The following EPHB1 variants were observed in gnomAD, a reference collection of about 807,000 sequenced individuals.
The protein encoded by EPHB1 is ephrin type-B receptor 1.
Under a neutral mutation model 94.4 loss-of-function variants are expected in EPHB1, and 30 were observed. The observed-to-expected ratio is 0.32, with a 90% CI of 0.24 to 0.43. The LOEUF (loss-of-function observed/expected upper bound fraction) is 0.43, where lower values mean the gene tolerates loss of function less well. Ranked by LOEUF, EPHB1 falls within the 20% of genes least tolerant of loss-of-function variation. The pLI, the probability that EPHB1 is intolerant of heterozygous loss-of-function variation, is 1.00. For missense variants in EPHB1, 1,055 were observed against 1,308.3 expected, an observed-to-expected ratio of 0.81 and a Z score of 2.99; for synonymous variants, 522 against 489.1, an observed-to-expected ratio of 1.07 and a Z score of -0.89.
intron 3 of EPHB1, among the ~76,000 whole-genome samples, chr3:134,998,973 G>A (rs1279517483): frequency 6.6e-6 from 1 of 152,176 alleles, no homozygotes; most frequent in African/African-American, 2.4e-5. Context: ...AGTCAGAGAG[G>A]CAGGAAGAGA....
chr3:135,076,707 G>A (rs930702494), intron 3 of EPHB1, among the ~76,000 whole-genome samples: 1 of 152,122 alleles, frequency 6.6e-6, no homozygotes, highest in African/African-American at 2.4e-5. Context: ...TTTATCAACT[G>A]GTGAATGGAT....
Position 134,951,363 on chromosome 3 carries a change from A to C in EPHB1, c.124-8A>C. On this transcript the variant is annotated splice_polypyrimidine_tract_variant and splice_region_variant and intron_variant, in intron 2 of 15. Coordinates refer to ENST00000398015, the MANE Select transcript of EPHB1 (RefSeq NM_004441.5). The surrounding 1 kb of genome is among the most constrained non-coding windows in gnomAD (Gnocchi z 4.5). ...TGCATGTGTGTGCCTGTGGCCTGCT[A>C]TGTACAGTGGGAAGAAGTCAGTGGC... 2.6e-6 allele frequency: 4 copies of C among 1,550,676 alleles called. No homozygotes were observed. Among genetic ancestry groups the C allele is most frequent in the Non-Finnish European group, 3.5e-6 (4 of 1,147,452 alleles).
chr3:135,058,028 G>T (rs1274030622), intron 3 of EPHB1, among the ~76,000 whole-genome samples: 1 of 152,208 alleles, frequency 6.6e-6, no homozygotes, highest in Non-Finnish European at 1.5e-5. Context: ...AAGCTGGCGT[G>T]GGTTCTCTGA....
chr3:135,186,732 C>T (rs570992608), intron 10 of EPHB1, among the ~76,000 whole-genome samples: 3 of 152,292 alleles, frequency 2.0e-5, no homozygotes, highest in South Asian at 2.1e-4. Context: ...ATAGTTGAGG[C>T]ATTTAATGCT....
At chr3:135,030,049 T>TC (rs1244810886) in intron 3 of EPHB1, among the ~76,000 whole-genome samples, 3 of 151,298 alleles carry the variant, frequency 2.0e-5, no homozygotes, top group Non-Finnish European at 2.9e-5. Context: ...TTCACGTAGT[T>TC]CTCGAGCCTT....
At chr3:135,144,077 G>T (rs1284034120) in intron 5 of EPHB1, among the ~76,000 whole-genome samples, 1 of 152,156 alleles carries the variant, frequency 6.6e-6, no homozygotes, top group Non-Finnish European at 1.5e-5. Flanking sequence ...GTAACTCAAT[G>T]TCCCCACCCC....
chr3:135,154,729 T>C (rs1004424416), intron 6 of EPHB1, among the ~76,000 whole-genome samples: 135 of 152,110 alleles, frequency 8.9e-4, no homozygotes, highest in African/African-American at 3.1e-3. Flanking sequence ...TTGTGGAGGA[T>C]AAAAAAACAT....
intron 3 of EPHB1, among the ~76,000 whole-genome samples, chr3:134,992,598 T>C (rs1315494523): frequency 6.6e-6 from 1 of 152,242 alleles, no homozygotes; most frequent in Non-Finnish European, 1.5e-5. Context: ...GGGTCTTTCC[T>C]AGTGCTTTGG....
chr3:134,813,201 G>T (rs1291390854), intron 1 of EPHB1, among the ~76,000 whole-genome samples: 1 of 152,184 alleles, frequency 6.6e-6, no homozygotes, highest in Non-Finnish European at 1.5e-5. Context: ...TTAGGGGAGT[G>T]TGTGCGCCTC....
chr3:135,053,395 A>G (rs926113162), intron 3 of EPHB1, among the ~76,000 whole-genome samples: 1 of 152,130 alleles, frequency 6.6e-6, no homozygotes, highest in Non-Finnish European at 1.5e-5. Context: ...ATATATAGTC[A>G]CCATAAGAAA....
intron 3 of EPHB1, among the ~76,000 whole-genome samples, chr3:135,105,627 A>G (rs1371605420): frequency 6.6e-6 from 1 of 152,164 alleles, no homozygotes; most frequent in African/African-American, 2.4e-5. Flanking sequence ...TTATAGGCTG[A>G]TCCCACAGGA....
intron 1 of EPHB1, among the ~76,000 whole-genome samples, chr3:134,875,409 T>C (rs557167788): frequency 6.6e-6 from 1 of 152,108 alleles, no homozygotes; most frequent in South Asian, 2.1e-4. Flanking sequence ...GTGGGCAGTA[T>C]GAGAGGTCTC....
intron 4 of EPHB1, 129 bp from the exon 5 acceptor site, chr3:135,132,585 T>C (rs367871440): frequency 1.6e-4 from 114 of 722,234 alleles, no homozygotes; most frequent in Middle Eastern, 1.5e-3. Context: ...GCATAGCCAT[T>C]TGGGGTTGAG....
chr3:135,188,736 C>A (rs1449494811), intron 10 of EPHB1, among the ~76,000 whole-genome samples: 1 of 152,206 alleles, frequency 6.6e-6, no homozygotes, highest in East Asian at 1.9e-4. Context: ...CCACTCACTA[C>A]CAATTTTCCT....
chr3:134,966,960 G>C (rs1052491935), intron 3 of EPHB1, among the ~76,000 whole-genome samples: 1 of 152,204 alleles, frequency 6.6e-6, no homozygotes, highest in African/African-American at 2.4e-5. Flanking sequence ...CAGGGATGGG[G>C]GCACCTGCAT....
At chr3:134,825,876 T>C (rs2036467694) in intron 1 of EPHB1, among the ~76,000 whole-genome samples, 1 of 152,186 alleles carries the variant, frequency 6.6e-6, no homozygotes, top group South Asian at 2.1e-4. Context: ...TTATCATTCC[T>C]TGAAGATGCC....
intron 7 of EPHB1, among the ~76,000 whole-genome samples, chr3:135,164,088 A>G (rs1182216406): frequency 6.6e-6 from 1 of 152,192 alleles, no homozygotes; most frequent in Non-Finnish European, 1.5e-5. Context: ...TTCAAGTTTC[A>G]TATTACATTA....
intron 3 of EPHB1, among the ~76,000 whole-genome samples, chr3:135,010,933 G>C (rs1174162722): frequency 7.9e-5 from 12 of 152,116 alleles, no homozygotes; most frequent in Admixed American, 7.2e-4. Flanking sequence ...AGCCACACTT[G>C]GATAAACAAG....
chr3:135,238,206 C>T (rs1943700376), intron 12 of EPHB1, among the ~76,000 whole-genome samples: 1 of 152,174 alleles, frequency 6.6e-6, no homozygotes, highest in South Asian at 2.1e-4. Context: ...TCTTGTGCTC[C>T]CCTGACTTTG....
Sources: gnomAD v4.1 joint callset for allele counts (sites outside exome capture counted in the v4.1 genomes callset) on GRCh38, gnomAD v4.1.1 for gene constraint, Gnocchi (gnomAD v3.1) non-coding constraint, MANE v1.5 for transcripts, NCBI Gene and HGNC (gene_info 2026-07-23, HGNC 2026-07-21) for gene names.